The following ADD3 variants were observed in gnomAD, a reference collection of about 807,000 sequenced individuals.
The protein encoded by ADD3 is adducin 3, also known as gamma-adducin.
Under a neutral mutation model 80.2 loss-of-function variants are expected in ADD3, and 25 were observed. The observed-to-expected ratio is 0.31, with a 90% CI of 0.23 to 0.44. The LOEUF is 0.44. Ranked by LOEUF, ADD3 falls within the 20% of genes least tolerant of loss-of-function variation. The pLI is 1.00. For missense variants in ADD3, 829 were observed against 847.5 expected (o/e 0.98, Z 0.27); for synonymous variants, 284 against 289.6 (o/e 0.98, Z 0.20).
rs188285179 is a variant in ADD3, at chr10:110,049,779, C to T, written c.-30+41480C>T. ...GCAGGCGCCTGTAGTCCCAGCTACT[C>T]GGGAGGCTGAGGCAGGAGAATGGCA... On this transcript the variant is annotated intron_variant, in intron 1 of 14. Transcript: ENST00000356080. Among the ~76,000 whole-genome samples, 456 of 151,038 alleles carry T rather than the reference C, an allele frequency of 3.0e-3. 3 individuals are homozygous for T. Among genetic ancestry groups the T allele is most frequent in the African/African-American group, 0.01 (427 of 41,102 alleles).
intron 1 of ADD3, among the ~76,000 whole-genome samples, chr10:110,010,640 C>T (rs1368621149): frequency 2.0e-5 from 3 of 152,326 alleles, no homozygotes; most frequent in South Asian, 4.1e-4. Flanking sequence ...ATTTGCCTAA[C>T]CTCTGTGCCA....
At position 110,126,466 on chromosome 10, in the gene ADD3, A is replaced by G; in HGVS notation, c.1571A>G (p.Gln524Arg). Residue 524 changes from glutamine to arginine, a missense_variant, in exon 12 of 15, where the codon CAG becomes CGG. Transcript: ENST00000356080. ...TTGAAAACAGCAGGACCACAATCTC[A>G]GTTGCTTGCTGGAATTGTTGTGGAT... ...YDLKTAGPQS[Q>R]LLAGIVVDKP... 6 of 1,612,984 alleles carry G rather than the reference A, an allele frequency of 3.7e-6. No homozygotes were observed. Among genetic ancestry groups the G allele is most frequent in the Non-Finnish European group, 5.1e-6 (6 of 1,179,264 alleles).
At chr10:110,117,492 A>C in intron 5 of ADD3, 70 bp downstream of exon 5, 1 of 899,884 alleles carries the variant, frequency 1.1e-6, no homozygotes, top group East Asian at 2.4e-5. Flanking sequence ...CTTAGCTTTT[A>C]GCACAGGACA....
intron 1 of ADD3, among the ~76,000 whole-genome samples, chr10:110,067,575 T>G (rs1589964236): frequency 6.6e-6 from 1 of 152,212 alleles, no homozygotes; most frequent in Non-Finnish European, 1.5e-5. Flanking sequence ...GTTTTAAGAA[T>G]CCAGTCATTG....
chr10:110,006,024 C>A, upstream of ADD3: 1 of 246,294 alleles, frequency 4.1e-6, no homozygotes, highest in Non-Finnish European at 8.3e-6. Flanking sequence ...GCCGCTGCTG[C>A]TGCTGCTGTT....
chr10:110,106,897 G>A (rs1164171105), intron 2 of ADD3, among the ~76,000 whole-genome samples: 1 of 152,070 alleles, frequency 6.6e-6, no homozygotes, highest in Non-Finnish European at 1.5e-5. Context: ...ATCTTACCTA[G>A]TAGATTATGG....
rs1234344832 is a variant in ADD3 at position 110,119,472 on chromosome 10, G to A, written c.868G>A (p.Val290Ile). The part of the protein sequence containing the change: ...KVLGPSCKVL[V>I]LRNHGVVALG... ...TGTGGGCATTCTATTTTAGGTGCTG[G>A]TACTCAGGAATCATGGTGTGGTTGC... Residue 290 changes from valine to isoleucine, a missense_variant, in exon 8 of 15, where the codon GTA (valine) becomes ATA (isoleucine). Physicochemically the swap from Val to Ile is conservative, Grantham distance 29 (BLOSUM62 3). Coordinates refer to ENST00000356080, the MANE Select transcript of ADD3 (RefSeq NM_016824.5). The A allele has an allele frequency of 3.1e-6, 5 of 1,613,934 alleles. No individual in the cohort carries two copies. The African/African-American group carries it at 6.7e-5, about 22-fold the overall frequency.
intron 1 of ADD3, among the ~76,000 whole-genome samples, chr10:110,012,422 C>G (rs1852438421): frequency 6.6e-6 from 1 of 152,194 alleles, no homozygotes; most frequent in African/African-American, 2.4e-5. Context: ...CCCCTTGTTT[C>G]CTTAAACTGT....
intron 2 of ADD3, among the ~76,000 whole-genome samples, chr10:110,104,144 A>G (rs1849155949): frequency 6.6e-6 from 1 of 152,216 alleles, no homozygotes; most frequent in Admixed American, 6.5e-5. Context: ...GAGAGGGCAT[A>G]AGATAACTGC....
chr10:110,069,170 T>G (rs1289721605), intron 1 of ADD3, among the ~76,000 whole-genome samples: 1 of 152,206 alleles, frequency 6.6e-6, no homozygotes, highest in Non-Finnish European at 1.5e-5. Flanking sequence ...TTTAAATAAT[T>G]TACATAAATA....
At chr10:110,027,799 T>C (rs1015713897) in intron 1 of ADD3, among the ~76,000 whole-genome samples, 5 of 152,228 alleles carry the variant, frequency 3.3e-5, no homozygotes, top group Admixed American at 2.0e-4. Flanking sequence ...AAAAAACACA[T>C]TAAACCATTC....
intron 1 of ADD3, among the ~76,000 whole-genome samples, chr10:110,028,693 AAAT>A (rs1182142183): frequency 6.6e-6 from 1 of 152,264 alleles, no homozygotes; most frequent in African/African-American, 2.4e-5. Context: ...AAAGTTCAGA[AAAT>A]AATGATGTAG....
chr10:110,080,885 A>G (rs1845981650), intron 1 of ADD3, among the ~76,000 whole-genome samples: 1 of 152,242 alleles, frequency 6.6e-6, no homozygotes, highest in Non-Finnish European at 1.5e-5. Context: ...CAAAGTTACA[A>G]AGTTACATGG....
At chr10:110,067,353 T>C (rs1474920634) in intron 1 of ADD3, among the ~76,000 whole-genome samples, 3 of 152,232 alleles carry the variant, frequency 2.0e-5, no homozygotes, top group Non-Finnish European at 4.4e-5. Flanking sequence ...ATGTTATTAC[T>C]TCTCATTTGC....
chr10:110,123,743 T>G, intron 9 of ADD3: 1 of 343,066 alleles, frequency 2.9e-6, no homozygotes, highest in South Asian at 4.8e-5. Flanking sequence ...GAAAAGCACT[T>G]CTGGTCAGCA....
chr10:110,100,660 T>C lies in ADD3; in HGVS notation c.7T>C (p.Ser3Pro). Residue 3 changes from serine to proline, a missense_variant, in exon 2 of 15, where the codon TCA becomes CCA. Physicochemically the swap from Ser to Pro is moderately conservative, Grantham distance 74 (BLOSUM62 -1). Transcript: ENST00000356080. ...TAATCCACAGACTTAAAACATGAGC[T>C]CAGATGCCAGCCAAGGCGTGATTAC... MS[S>P]DASQGVITTP... 1 of 1,607,640 alleles carries C rather than the reference T, an allele frequency of 6.2e-7. No homozygotes were observed. The highest frequency in any genetic ancestry group is 8.5e-7 in the Non-Finnish European group (1 of 1,177,262).
chr10:110,097,085 T>C (rs886138384), intron 1 of ADD3, among the ~76,000 whole-genome samples: 8 of 152,238 alleles, frequency 5.3e-5, no homozygotes, highest in African/African-American at 1.9e-4. Flanking sequence ...ATACATGGTA[T>C]GAGCATATGT....
intron 2 of ADD3, 111 bp downstream of exon 2, chr10:110,100,959 T>A: frequency 1.1e-6 from 1 of 936,964 alleles, no homozygotes; most frequent in Non-Finnish European, 1.5e-6. Flanking sequence ...GGAGGAGGAG[T>A]GGTGACCAGT....
At chr10:110,125,139 G>C (rs1590232444) in intron 10 of ADD3, among the ~76,000 whole-genome samples, 1 of 152,046 alleles carries the variant, frequency 6.6e-6, no homozygotes, top group Admixed American at 6.6e-5. Context: ...AAGATTTCTT[G>C]CCTCCCAGTA....
Sources: allele counts gnomAD v4.1 joint callset (sites outside exome capture counted in the v4.1 genomes callset), GRCh38; gene constraint gnomAD v4.1.1; transcripts MANE v1.5; gene names NCBI Gene and HGNC (gene_info 2026-07-23, HGNC 2026-07-21).